Variants in DOCK3 observed in about 807,000 individuals in gnomAD.
The protein encoded by DOCK3 is dedicator of cytokinesis 3.
Under a neutral mutation model 265.6 loss-of-function variants are expected in DOCK3, and 60 were observed. That is an observed-to-expected ratio of 0.23 (90% CI 0.18 to 0.28). The LOEUF is 0.28. Ranked by LOEUF, DOCK3 falls within the 10% of genes least tolerant of loss-of-function variation. The pLI, the probability that DOCK3 is intolerant of heterozygous loss-of-function variation, is 1.00. For synonymous variants in DOCK3, 881 were observed against 938.0 expected, an observed-to-expected ratio of 0.94 and a Z score of 1.11; for missense variants, 1,981 against 2,594.3, an observed-to-expected ratio of 0.76 and a Z score of 5.14.
intron 5 of DOCK3, among the ~76,000 whole-genome samples, chr3:50,950,672 C>T (rs1484263313): frequency 6.6e-6 from 1 of 152,044 alleles, no homozygotes; most frequent in Non-Finnish European, 1.5e-5. Context: ...GAATTCCAGC[C>T]TTCCAGGGTT....
In DOCK3 at chr3:50,675,907, C is replaced by G. The variant is rs945334618; in HGVS notation, c.37+607C>G. ...CGGTTTTTTTTTTAAACCCTGTTTT[C>G]AGATGAGACCTTATTCCTCTTAGAA... On this transcript the variant is annotated intron_variant, in intron 1 of 52. Transcript: ENST00000266037. The surrounding 1 kb of genome is among the most constrained non-coding windows in gnomAD (Gnocchi z 6.1). 6.6e-6 allele frequency among the ~76,000 whole-genome samples: 1 copy of G among 151,852 alleles called. No homozygotes were observed. The highest frequency in any genetic ancestry group is 2.4e-5 in the African/African-American group (1 of 41,340).
intron 1 of DOCK3, among the ~76,000 whole-genome samples, chr3:50,764,213 A>G (rs1424967899): frequency 6.6e-6 from 1 of 152,132 alleles, no homozygotes; most frequent in East Asian, 1.9e-4. Flanking sequence ...TTCTTTTAGC[A>G]CAGATTTCAT....
At chr3:50,847,712 C>T (rs1395100615) in intron 3 of DOCK3, among the ~76,000 whole-genome samples, 1 of 151,680 alleles carries the variant, frequency 6.6e-6, no homozygotes, top group Non-Finnish European at 1.5e-5. Flanking sequence ...GGTAAAACCC[C>T]ATCTCTAGTA....
chr3:51,214,220 T>G lies in DOCK3; in HGVS notation c.1225T>G (p.Leu409Val), dbSNP rs761826016. 9.9e-6 allele frequency: 16 copies of G among 1,613,494 alleles called. No individual in the cohort carries two copies. The Admixed American group carries it at 1.7e-4, about 17-fold the overall frequency. ...TAGGGGATTGGCAATTACAAGAAAA[T>G]TGGGATTTCCTGATGTCATTATGCC... ...FNRGLAITRKLGFPDVIMPGD... is the reference protein window; with the variant it reads ...FNRGLAITRKVGFPDVIMPGD... The change falls in exon 14 of 53, where the codon TTG becomes GTG. Residue 409 changes from leucine (L) to valine (V), a missense_variant. Coordinates refer to ENST00000266037, the MANE Select transcript of DOCK3 (RefSeq NM_004947.5).
At chr3:50,899,399 C>T (rs2049063111) in intron 4 of DOCK3, among the ~76,000 whole-genome samples, 1 of 152,154 alleles carries the variant, frequency 6.6e-6, no homozygotes, top group Non-Finnish European at 1.5e-5. Flanking sequence ...CTCCTAAATA[C>T]AGCACAGTGA....
At position 50,815,640 on chromosome 3, in the gene DOCK3, T is replaced by C. The variant is rs575787562; in HGVS notation, c.122-26035T>C. 1.8e-3 allele frequency among the ~76,000 whole-genome samples: 269 copies of C among 152,284 alleles called. 2 individuals carry two copies. The highest frequency in any genetic ancestry group is 6.2e-3 in the African/African-American group (256 of 41,564). ...GGCAATTTTTTTTTTTTTGAGTGTT[T>C]GAATGCCTGAAAAGATCTTTAGTTT... On this transcript the variant is annotated intron_variant, in intron 2 of 52. Transcript: ENST00000266037.
intron 1 of DOCK3, among the ~76,000 whole-genome samples, chr3:50,739,212 C>T (rs1358882702): frequency 1.3e-5 from 2 of 152,178 alleles, no homozygotes; most frequent in African/African-American, 4.8e-5. Context: ...AATGACTTAA[C>T]TACTCTTTAT....
At position 51,354,961 on chromosome 3, in the gene DOCK3, A is replaced by G. The variant is rs773068188; in HGVS notation, c.4187A>G (p.Gln1396Arg). The change falls in exon 41 of 53, where the codon CAG becomes CGG. Residue 1396 changes from glutamine to arginine, a missense_variant. Coordinates refer to ENST00000266037, the MANE Select transcript of DOCK3 (RefSeq NM_004947.5). ...FQQRMLSEFPQAVAMQHPNHP... is the reference protein window; with the variant it reads ...FQQRMLSEFPRAVAMQHPNHP... Reference sequence around the variant, plus strand: ...CAGAGGATGCTCAGTGAGTTTCCGCAGGCTGTCGCCATGCAGCACCCCAAC... The same window carrying G: ...CAGAGGATGCTCAGTGAGTTTCCGCGGGCTGTCGCCATGCAGCACCCCAAC... The G allele has an allele frequency of 1.2e-6, 2 of 1,613,842 alleles. No homozygotes were observed. The highest frequency in any genetic ancestry group is 1.3e-5 in the African/African-American group (1 of 74,938).
intron 5 of DOCK3, among the ~76,000 whole-genome samples, chr3:51,020,159 C>T (rs1235502201): frequency 6.6e-6 from 1 of 151,838 alleles, no homozygotes; most frequent in Non-Finnish European, 1.5e-5. Flanking sequence ...TAGATAATAG[C>T]CCTTCTGACT....
chr3:50,906,202 A>C (rs1181969381), intron 4 of DOCK3, among the ~76,000 whole-genome samples: 2 of 152,090 alleles, frequency 1.3e-5, no homozygotes, highest in African/African-American at 4.8e-5. Context: ...GATGTTCATC[A>C]GGAATATTGG....
chr3:50,810,492 G>A (rs974511353), intron 2 of DOCK3, among the ~76,000 whole-genome samples: 11 of 151,912 alleles, frequency 7.2e-5, no homozygotes, highest in Non-Finnish European at 1.5e-4. Context: ...GCAGTGAGCC[G>A]GTATTGCACC....
chr3:50,747,458 A>AT (rs1356891742), intron 1 of DOCK3, among the ~76,000 whole-genome samples: 2 of 152,076 alleles, frequency 1.3e-5, no homozygotes, highest in African/African-American at 2.4e-5. Flanking sequence ...CACTTATTTA[A>AT]TTTTTTTCAG....
At chr3:50,759,182 G>T (rs2040376847) in intron 1 of DOCK3, among the ~76,000 whole-genome samples, 1 of 151,956 alleles carries the variant, frequency 6.6e-6, no homozygotes, top group Admixed American at 6.6e-5. Context: ...TTTGTTAAAT[G>T]AAATTAGATA....
chr3:51,348,948 G>T lies in DOCK3; in HGVS notation c.4002+10G>T, dbSNP rs1299529973. 3 of 1,558,216 alleles carry T rather than the reference G, an allele frequency of 1.9e-6. No individual in the cohort carries two copies. Among genetic ancestry groups the T allele is most frequent in the Non-Finnish European group, 2.6e-6 (3 of 1,151,062 alleles). ...CCTCAGCTGGATTCGGGTGAGCTGT[G>T]CCCCTCCCCCCACCCCAGCCCTGAC... On this transcript the variant is annotated intron_variant, in intron 39 of 52. Transcript: ENST00000266037.
At chr3:50,862,262 T>C (rs1400660981) in intron 3 of DOCK3, among the ~76,000 whole-genome samples, 1 of 152,258 alleles carries the variant, frequency 6.6e-6, no homozygotes, top group Non-Finnish European at 1.5e-5. Context: ...ATACTGTTTG[T>C]TGTAGCCATG....
intron 3 of DOCK3, among the ~76,000 whole-genome samples, chr3:50,857,150 C>G (rs1330438663): frequency 1.3e-5 from 2 of 151,838 alleles, no homozygotes; most frequent in Admixed American, 1.3e-4. Context: ...TTGTTGTGTC[C>G]TTGCCAGATT....
At chr3:50,743,033 A>G (rs900490811) in intron 1 of DOCK3, among the ~76,000 whole-genome samples, 4 of 152,204 alleles carry the variant, frequency 2.6e-5, no homozygotes, top group Non-Finnish European at 5.9e-5. Flanking sequence ...GTGGAGGCCA[A>G]TATTCAACAT....
intron 49 of DOCK3, among the ~76,000 whole-genome samples, chr3:51,362,934 GA>G (rs1249529137): frequency 6.6e-6 from 1 of 152,232 alleles, no homozygotes; most frequent in Non-Finnish European, 1.5e-5. Flanking sequence ...CAGCTTAGAA[GA>G]AAGCTCACTT....
chr3:50,934,986 T>C (rs1189031330), intron 5 of DOCK3, among the ~76,000 whole-genome samples: 1 of 152,140 alleles, frequency 6.6e-6, no homozygotes, highest in Non-Finnish European at 1.5e-5. Flanking sequence ...AAAAAGAGAA[T>C]GAACTACCAA....
Sources: allele counts gnomAD v4.1 joint callset (sites outside exome capture counted in the v4.1 genomes callset), GRCh38; gene constraint gnomAD v4.1.1; non-coding constraint Gnocchi (gnomAD v3.1); transcripts MANE v1.5; gene names NCBI Gene and HGNC (gene_info 2026-07-23, HGNC 2026-07-21).